ATP9B: variants seen among roughly 807,000 people sequenced by gnomAD.
The protein encoded by ATP9B is ATPase phospholipid transporting 9B.
Under a neutral mutation model 146.1 loss-of-function variants are expected in ATP9B, and 110 were observed. The observed-to-expected ratio is 0.75, with a 90% CI of 0.65 to 0.88. The LOEUF (loss-of-function observed/expected upper bound fraction) is 0.88, where lower values mean the gene tolerates loss of function less well. Among genes scored for constraint, ATP9B ranks in the 40% least tolerant of loss-of-function variants. ATP9B has a pLI of 0.00. For missense variants in ATP9B, 1,499 were observed against 1,496.4 expected, an observed-to-expected ratio of 1.00 and a Z score of -0.03; for synonymous variants, 604 against 569.7, an observed-to-expected ratio of 1.06 and a Z score of -0.86.
intron 5 of ATP9B, among the ~76,000 whole-genome samples, chr18:79,140,063 A>C (rs904418417): frequency 1.3e-5 from 2 of 152,186 alleles, no homozygotes; most frequent in Non-Finnish European, 2.9e-5. Flanking sequence ...TACTGGTGTT[A>C]ATGTGGGTTA....
chr18:79,336,613 CCT>C lies in ATP9B; in HGVS notation c.2029-11_2029-10del. The C allele has an allele frequency of 6.2e-7, 1 of 1,613,176 alleles. No individual in the cohort carries two copies. Among genetic ancestry groups the C allele is most frequent in the Non-Finnish European group, 8.5e-7 (1 of 1,179,570 alleles). On this transcript the variant is annotated splice_polypyrimidine_tract_variant and intron_variant, in intron 17 of 29. Transcript: ENST00000426216. ...TCTGCAGGGCCCACCTGTGACTCGGCCTCTCCTTTTCCAGTGCGGAAACATGG... is the reference window on the plus strand; with the variant it reads ...TCTGCAGGGCCCACCTGTGACTCGGCCTCCTTTTCCAGTGCGGAAACATGG...
At chr18:79,268,766 G>A in intron 12 of ATP9B, among the ~76,000 whole-genome samples, 1 of 152,180 alleles carries the variant, frequency 6.6e-6, no homozygotes, top group Admixed American at 6.6e-5. Context: ...TTGCATCTTA[G>A]AGTAGAGTAA....
intron 21 of ATP9B, among the ~76,000 whole-genome samples, chr18:79,344,958 C>G (rs1345779029): frequency 6.6e-6 from 1 of 152,202 alleles, no homozygotes; most frequent in Non-Finnish European, 1.5e-5. Context: ...GAGCCTCCCC[C>G]TGCACAGCTT....
intron 15 of ATP9B, among the ~76,000 whole-genome samples, chr18:79,325,142 G>A (rs755712575): frequency 6.6e-6 from 1 of 152,166 alleles, no homozygotes; most frequent in Non-Finnish European, 1.5e-5. Flanking sequence ...TTTGTGTGAC[G>A]CATTCTTTCC....
intron 28 of ATP9B, 63 bp downstream of exon 28, chr18:79,374,164 AT>A: frequency 6.5e-7 from 1 of 1,533,458 alleles, no homozygotes; most frequent in Non-Finnish European, 8.9e-7. Flanking sequence ...GTATTTTCTT[AT>A]TGTTGCTTCT....
intron 11 of ATP9B, among the ~76,000 whole-genome samples, chr18:79,217,711 C>T (rs1394188253): frequency 6.6e-6 from 1 of 152,106 alleles, no homozygotes; most frequent in East Asian, 1.9e-4. Context: ...TGAACAGAGA[C>T]GGAAAGGTGG....
intron 25 of ATP9B, among the ~76,000 whole-genome samples, chr18:79,351,180 T>G (rs2096920482): frequency 6.6e-6 from 1 of 152,260 alleles, no homozygotes; most frequent in Admixed American, 6.5e-5. Flanking sequence ...CCTTCTCACC[T>G]TCTTTCATAT....
chr18:79,360,433 T>C (rs2096981005), intron 26 of ATP9B: 1 of 148,120 alleles, frequency 6.8e-6, no homozygotes, highest in African/African-American at 2.4e-5. Context: ...AACCACTAAT[T>C]AACCAACTAG....
At chr18:79,312,834 T>G (rs1190935063) in intron 15 of ATP9B, among the ~76,000 whole-genome samples, 1 of 152,224 alleles carries the variant, frequency 6.6e-6, no homozygotes, top group Non-Finnish European at 1.5e-5. Context: ...GATAAAGAAC[T>G]TAAGTTCCTT....
chr18:79,110,569 G>C, intron 3 of ATP9B, 64 bp downstream of exon 3: 1 of 1,491,872 alleles, frequency 6.7e-7, no homozygotes, highest in Non-Finnish European at 9.0e-7. Context: ...CTTTGCTATA[G>C]GATGGAGCCT....
intron 13 of ATP9B, among the ~76,000 whole-genome samples, chr18:79,287,132 T>C (rs770729173): frequency 1.3e-4 from 20 of 152,242 alleles, no homozygotes; most frequent in Non-Finnish European, 2.8e-4. Flanking sequence ...GCTGGCCTCA[T>C]AAAATGAGTT....
intron 13 of ATP9B, among the ~76,000 whole-genome samples, chr18:79,296,484 C>T (rs2096548640): frequency 6.6e-6 from 1 of 152,156 alleles, no homozygotes; most frequent in Non-Finnish European, 1.5e-5. Context: ...TTTGCAACGT[C>T]AATAACGAGG....
rs569561999 is a variant in ATP9B at position 79,314,317 on chromosome 18, C to T, written c.1773+7083C>T. On this transcript the variant is annotated intron_variant, in intron 15 of 29. Coordinates refer to ENST00000426216, the MANE Select transcript of ATP9B (RefSeq NM_198531.5). ...GTAAGTAGAGTGCCCTAGTTTTAGTCGCTGATACACAGTTGCTGTTCTTCA... is the reference window on the plus strand; with the variant it reads ...GTAAGTAGAGTGCCCTAGTTTTAGTTGCTGATACACAGTTGCTGTTCTTCA... Among the ~76,000 whole-genome samples the T allele has an allele frequency of 3.9e-5, 6 of 152,278 alleles. No individual in the cohort carries two copies. The South Asian group carries it at 1.2e-3, about 32-fold the overall frequency.
intron 1 of ATP9B, chr18:79,085,693 GT>G (rs1475774826): frequency 3.3e-5 from 5 of 152,164 alleles, no homozygotes; most frequent in African/African-American, 1.2e-4. Context: ...GAGCATTATT[GT>G]TTTGTTTATC....
At chr18:79,364,870 A>G (rs886159952) in intron 26 of ATP9B, among the ~76,000 whole-genome samples, 2 of 152,048 alleles carry the variant, frequency 1.3e-5, no homozygotes, top group African/African-American at 2.4e-5. Flanking sequence ...CAAAACATAG[A>G]AAAAAATGAG....
intron 5 of ATP9B, among the ~76,000 whole-genome samples, chr18:79,135,321 T>C (rs775044957): frequency 3.9e-5 from 6 of 152,232 alleles, no homozygotes; most frequent in South Asian, 2.1e-4. Flanking sequence ...TCTTTATTCT[T>C]ACCCTTGGTC....
chr18:79,167,223 C>T (rs1413078815), intron 7 of ATP9B, among the ~76,000 whole-genome samples: 1 of 152,178 alleles, frequency 6.6e-6, no homozygotes, highest in Non-Finnish European at 1.5e-5. Flanking sequence ...TGTGCTACAG[C>T]TCTTTCATTC....
At chr18:79,346,237 C>T (rs1262016301) in intron 23 of ATP9B, among the ~76,000 whole-genome samples, 2 of 151,134 alleles carry the variant, frequency 1.3e-5, no homozygotes, top group African/African-American at 4.9e-5. Context: ...AGCATGTGCT[C>T]AGCGCACAGT....
At chr18:79,217,818 A>C (rs1247382971) in intron 11 of ATP9B, among the ~76,000 whole-genome samples, 1 of 152,206 alleles carries the variant, frequency 6.6e-6, no homozygotes, top group Non-Finnish European at 1.5e-5. Context: ...GGCTTCAAAG[A>C]AGGCTGGTGC....
Sources: gnomAD v4.1 joint callset for allele counts (sites outside exome capture counted in the v4.1 genomes callset) on GRCh38, gnomAD v4.1.1 for gene constraint, MANE v1.5 for transcripts, NCBI Gene and HGNC (gene_info 2026-07-23, HGNC 2026-07-21) for gene names.